Variants in NR2C2 observed in about 807,000 individuals in gnomAD.
NR2C2 encodes nuclear receptor subfamily 2 group C member 2.
A neutral mutation model predicts 62.9 loss-of-function variants in NR2C2; 6 were observed. The ratio of observed to expected loss-of-function variants is 0.10; its 90% confidence interval spans 0.05 to 0.19. The LOEUF is 0.19. NR2C2 is among the 10% of genes least tolerant of loss of function. The pLI is 1.00. For synonymous variants in NR2C2, 272 were observed against 273.8 expected (o/e 0.99, Z 0.07); for missense variants, 479 against 762.7 (o/e 0.63, Z 4.38).
At chr3:15,004,016 C>G in intron 2 of NR2C2, 30 bp downstream of exon 2, 1 of 1,579,180 alleles carries the variant, frequency 6.3e-7, no homozygotes, top group South Asian at 1.1e-5. Flanking sequence ...GGCAACCCTG[C>G]CTTTCCAGAA....
At chr3:15,040,724 A>G (rs906358527) in intron 13 of NR2C2, among the ~76,000 whole-genome samples, 1 of 152,244 alleles carries the variant, frequency 6.6e-6, no homozygotes, top group African/African-American at 2.4e-5. Context: ...AGCAAGATCC[A>G]TTTTCTACTG....
chr3:15,022,562 C>A (rs1473802524), intron 5 of NR2C2, among the ~76,000 whole-genome samples: 1 of 152,058 alleles, frequency 6.6e-6, no homozygotes, highest in Non-Finnish European at 1.5e-5. Flanking sequence ...CCTGCCACCA[C>A]ACCTGGCTAA....
At chr3:15,017,719 G>A (rs1039942217) in intron 4 of NR2C2, among the ~76,000 whole-genome samples, 1 of 152,078 alleles carries the variant, frequency 6.6e-6, no homozygotes, top group Non-Finnish European at 1.5e-5. Context: ...ATTATAGAAG[G>A]CACTTTACCA....
At chr3:14,981,487 C>T (rs1173193339) in intron 1 of NR2C2, among the ~76,000 whole-genome samples, 1 of 151,168 alleles carries the variant, frequency 6.6e-6, no homozygotes, top group African/African-American at 2.4e-5. Flanking sequence ...CCTGTACTCC[C>T]AGCTACGTGG....
intron 13 of NR2C2, among the ~76,000 whole-genome samples, chr3:15,039,598 A>C (rs2042197640): frequency 6.6e-6 from 1 of 152,290 alleles, no homozygotes; most frequent in South Asian, 2.1e-4. Flanking sequence ...TTGAGTTCTC[A>C]TGGAGATTCC....
At chr3:14,984,832 G>GTT (rs774923324) in intron 1 of NR2C2, among the ~76,000 whole-genome samples, 2 of 146,020 alleles carry the variant, frequency 1.4e-5, no homozygotes, top group African/African-American at 5.0e-5. Context: ...TCATATGGTG[G>GTT]TTTTTTTTTT....
chr3:15,039,012 T>A (rs1431483732), intron 12 of NR2C2, 110 bp from the exon 13 acceptor site: 2 of 742,762 alleles, frequency 2.7e-6, no homozygotes, highest in Non-Finnish European at 4.7e-6. Context: ...TGAGTTCAAT[T>A]TGTTGTACTT....
At chr3:14,991,774 T>C (rs927184593) in intron 1 of NR2C2, among the ~76,000 whole-genome samples, 1 of 148,742 alleles carries the variant, frequency 6.7e-6, no homozygotes, top group Non-Finnish European at 1.5e-5. Flanking sequence ...TTTTCTTTTT[T>C]TTTTTTTTGG....
intron 1 of NR2C2, among the ~76,000 whole-genome samples, chr3:14,985,975 A>G (rs937475030): frequency 6.6e-6 from 1 of 152,270 alleles, no homozygotes; most frequent in East Asian, 1.9e-4. Context: ...TAACAGTCAC[A>G]TAACTTCATA....
Position 14,959,222 on chromosome 3 carries a change from C to T in NR2C2, c.-40+11316C>T, listed in dbSNP as rs573995021. 11 of 152,306 alleles carry T rather than the reference C, an allele frequency of 7.2e-5. No individual in the cohort carries two copies. In the South Asian group the frequency reaches 1.2e-3, roughly 17 times the overall value. 9.4% of individuals were successfully genotyped at this position (152,306 alleles called of 1,614,324 possible). ...GTGAGAGTCTTATACCCTGATGTTA[C>T]CTTTTTTGTCTGGGTGCATTTTGGT... On this transcript the variant is annotated intron_variant, in intron 1 of 13. Transcript: ENST00000425241.
chr3:14,998,099 T>C (rs2040883397), intron 1 of NR2C2, among the ~76,000 whole-genome samples: 1 of 152,242 alleles, frequency 6.6e-6, no homozygotes, highest in Admixed American at 6.5e-5. Flanking sequence ...GTATCAGCAC[T>C]TCATTCCTTT....
At chr3:15,041,134 C>T (rs997767975) in intron 13 of NR2C2, among the ~76,000 whole-genome samples, 6 of 152,190 alleles carry the variant, frequency 3.9e-5, no homozygotes, top group African/African-American at 9.7e-5. Flanking sequence ...GAAATTCACT[C>T]GAGATAGTTC....
At position 14,997,744 on chromosome 3, in the gene NR2C2, T is replaced by G. The variant is rs568616322; in HGVS notation, c.-39-6132T>G. On this transcript the variant is annotated intron_variant, in intron 1 of 13. Coordinates refer to ENST00000425241, the MANE Select transcript of NR2C2 (RefSeq NM_001291694.2). The stretch of plus-strand genomic sequence containing the variant: ...GTATGCTTATGAAAGAAAAAAAAAT[T>G]TAATAGCCCAGTAATGAATTAATTG... Among the ~76,000 whole-genome samples, 10 of 152,286 alleles carry G rather than the reference T, an allele frequency of 6.6e-5. No individual in the cohort carries two copies. In the South Asian group the frequency reaches 2.1e-3, roughly 32 times the overall value.
At chr3:15,038,666 G>C (rs1326990635) in intron 12 of NR2C2, 1 of 168,508 alleles carries the variant, frequency 5.9e-6, no homozygotes, top group Non-Finnish European at 1.3e-5. Flanking sequence ...AGTCACTTAG[G>C]CTAATTGTTC....
At chr3:14,978,205 C>G (rs1346456802) in intron 1 of NR2C2, among the ~76,000 whole-genome samples, 1 of 152,156 alleles carries the variant, frequency 6.6e-6, no homozygotes, top group Admixed American at 6.5e-5. Flanking sequence ...ACAAATGTTC[C>G]TTAACTTGCA....
chr3:15,015,668 G>A (rs1423733371), intron 3 of NR2C2, among the ~76,000 whole-genome samples: 1 of 152,228 alleles, frequency 6.6e-6, no homozygotes, highest in Non-Finnish European at 1.5e-5. Flanking sequence ...GAGCAGTCCG[G>A]ATGAGTGGCA....
intron 1 of NR2C2, among the ~76,000 whole-genome samples, chr3:14,998,892 C>T (rs1374255148): frequency 6.6e-6 from 1 of 152,110 alleles, no homozygotes; most frequent in Non-Finnish European, 1.5e-5. Flanking sequence ...GTCCCAGTTA[C>T]ATGGGGGGCT....
At chr3:14,972,848 A>G (rs2040085042) in intron 1 of NR2C2, among the ~76,000 whole-genome samples, 1 of 152,228 alleles carries the variant, frequency 6.6e-6, no homozygotes. Context: ...GGGAGGTGCT[A>G]CACACTTTTA....
chr3:15,008,532 A>C (rs1009077550), intron 2 of NR2C2, among the ~76,000 whole-genome samples: 1 of 151,958 alleles, frequency 6.6e-6, no homozygotes, highest in African/African-American at 2.4e-5. Flanking sequence ...AAGAAAAAAA[A>C]AAAACAAAAA....
Sources: allele counts gnomAD v4.1 joint callset (sites outside exome capture counted in the v4.1 genomes callset), GRCh38; gene constraint gnomAD v4.1.1; transcripts MANE v1.5; gene names NCBI Gene and HGNC (gene_info 2026-07-23, HGNC 2026-07-21).